The following RNF169 variants were observed in gnomAD, a reference collection of about 807,000 sequenced individuals.
The protein encoded by RNF169 is E3 ubiquitin-protein ligase RNF169.
RNF169 carries 24 observed loss-of-function variants against 53.9 expected under a neutral mutation model. The observed-to-expected ratio is 0.45, with a 90% CI of 0.32 to 0.63. The LOEUF is 0.63. Among genes scored for constraint, RNF169 ranks in the 20% least tolerant of loss-of-function variants. The pLI, the probability that RNF169 is intolerant of heterozygous loss-of-function variation, is 0.04. For synonymous variants in RNF169, 396 were observed against 363.5 expected (o/e 1.09, Z -1.02); for missense variants, 883 against 906.2 (o/e 0.97, Z 0.33).
intron 2 of RNF169, among the ~76,000 whole-genome samples, chr11:74,791,809 A>G (rs956981870): frequency 1.6e-4 from 25 of 152,298 alleles, no homozygotes; most frequent in African/African-American, 4.8e-4. Flanking sequence ...TACACCCAGC[A>G]TGGGAGGGAT....
At chr11:74,757,002 T>A (rs2034994156) in intron 1 of RNF169, among the ~76,000 whole-genome samples, 1 of 151,680 alleles carries the variant, frequency 6.6e-6, no homozygotes, top group African/African-American at 2.4e-5. Context: ...TTTTATTTAT[T>A]TATTTTTATT....
intron 4 of RNF169, among the ~76,000 whole-genome samples, chr11:74,827,908 C>T (rs2036122647): frequency 6.6e-6 from 1 of 152,164 alleles, no homozygotes; most frequent in Non-Finnish European, 1.5e-5. Flanking sequence ...AAGCATTCCC[C>T]TTGAAAATAG....
intron 1 of RNF169, among the ~76,000 whole-genome samples, chr11:74,776,511 C>CAAAAAA (rs766527055): frequency 1.7e-4 from 14 of 82,010 alleles, no homozygotes; most frequent in African/African-American, 6.5e-4. Context: ...TTCATTCAGC[C>CAAAAAA]AAAAAAAAAA....
intron 2 of RNF169, among the ~76,000 whole-genome samples, chr11:74,808,898 T>A (rs1213155608): frequency 6.6e-6 from 1 of 152,212 alleles, no homozygotes; most frequent in Non-Finnish European, 1.5e-5. Context: ...GTGTTCCTGT[T>A]TGGATTGGGC....
In RNF169 at chr11:74,788,329, A is replaced by G. The variant is rs78609379; in HGVS notation, c.503-1297A>G. On this transcript the variant is annotated intron_variant, in intron 1 of 5. Transcript: ENST00000299563. ...CACACACACACACACACACACGACCACATTAATTTTATTGTTCAATTTTTC... is the reference window on the plus strand; with the variant it reads ...CACACACACACACACACACACGACCGCATTAATTTTATTGTTCAATTTTTC... Among the ~76,000 whole-genome samples the G allele has an allele frequency of 6.6e-5, 10 of 151,394 alleles. No homozygotes were observed. The East Asian group carries it at 1.9e-3, about 29-fold the overall frequency.
intron 2 of RNF169, among the ~76,000 whole-genome samples, chr11:74,805,435 A>G (rs1454417931): frequency 6.6e-6 from 1 of 152,244 alleles, no homozygotes; most frequent in Non-Finnish European, 1.5e-5. Flanking sequence ...TATCTTGATT[A>G]GGGAAATGAT....
rs1239709742 is a variant in RNF169 at position 74,838,598 on chromosome 11, T to TAA, written c.*1868_*1869insAA. On this transcript the variant is annotated 3_prime_UTR_variant, in exon 6 of 6. Transcript: ENST00000299563. ...TGGTGGGGAACATCACTCACCTGAA[T>TAA]GTATGCATTCTGTGTTCTCTGTGTG... 1.3e-5 allele frequency: 2 copies of TAA among 152,274 alleles called. No individual in the cohort carries two copies. The highest frequency in any genetic ancestry group is 2.9e-5 in the Non-Finnish European group (2 of 68,054). The allele number at this position is 152,274 out of a possible 1,614,324, so 9.4% of individuals were successfully genotyped here. A position where few individuals can be genotyped will look rare whatever the true frequency, so the allele number is the denominator to read the frequency against.
At chr11:74,807,639 A>G (rs1227832741) in intron 2 of RNF169, 1 of 152,204 alleles carries the variant, frequency 6.6e-6, no homozygotes, top group Non-Finnish European at 1.5e-5. Flanking sequence ...GTCTCTATAA[A>G]ATAGTCATGA....
At chr11:74,782,909 T>G (rs962995733) in intron 1 of RNF169, among the ~76,000 whole-genome samples, 1 of 137,912 alleles carries the variant, frequency 7.3e-6, no homozygotes, top group Admixed American at 7.0e-5. Flanking sequence ...GCAAAGAGGT[T>G]TTTTTTTTTT....
intron 1 of RNF169, among the ~76,000 whole-genome samples, chr11:74,758,887 A>G (rs1332636328): frequency 6.7e-6 from 1 of 148,546 alleles, no homozygotes; most frequent in Non-Finnish European, 1.5e-5. Context: ...TGAATCTGTA[A>G]ATTACCTTGG....
At chr11:74,814,155 T>C (rs1360310431) in intron 3 of RNF169, among the ~76,000 whole-genome samples, 3 of 151,758 alleles carry the variant, frequency 2.0e-5, no homozygotes, top group African/African-American at 4.8e-5. Flanking sequence ...ACCCCTTCTC[T>C]AATAAAAAAT....
intron 2 of RNF169, among the ~76,000 whole-genome samples, chr11:74,791,267 C>T (rs951949423): frequency 6.6e-6 from 1 of 152,120 alleles, no homozygotes; most frequent in Non-Finnish European, 1.5e-5. Flanking sequence ...GGAGGAAGTG[C>T]ATACTGATTG....
intron 1 of RNF169, among the ~76,000 whole-genome samples, chr11:74,784,237 C>T (rs2135070678): frequency 6.6e-6 from 1 of 152,246 alleles, no homozygotes; most frequent in South Asian, 2.1e-4. Context: ...TACTGAATCA[C>T]TAACTTTAGA....
chr11:74,826,068 G>C (rs2036091692), intron 4 of RNF169, among the ~76,000 whole-genome samples: 1 of 152,152 alleles, frequency 6.6e-6, no homozygotes, highest in Non-Finnish European at 1.5e-5. Context: ...GCTCACATCT[G>C]TAATCCCAGC....
intron 1 of RNF169, among the ~76,000 whole-genome samples, chr11:74,784,231 G>GA (rs2035456313): frequency 6.6e-6 from 1 of 152,148 alleles, no homozygotes; most frequent in Admixed American, 6.5e-5. Context: ...TATTGTTACT[G>GA]AATCACTAAC....
intron 4 of RNF169, among the ~76,000 whole-genome samples, chr11:74,821,815 A>G (rs1260661116): frequency 6.6e-6 from 1 of 152,188 alleles, no homozygotes; most frequent in East Asian, 1.9e-4. Flanking sequence ...GGTGACAGAA[A>G]TGTTCTAAAA....
intron 1 of RNF169, among the ~76,000 whole-genome samples, chr11:74,784,753 C>T (rs948198728): frequency 1.3e-5 from 2 of 152,288 alleles, no homozygotes; most frequent in African/African-American, 4.8e-5. Flanking sequence ...AACAACTCAT[C>T]AGTTAAGGAG....
rs557740217 is a variant in RNF169, at chr11:74,838,337, T to C, written c.*1607T>C. The C allele has an allele frequency of 2.0e-5, 3 of 152,288 alleles. No homozygotes were observed. In the South Asian group the frequency reaches 6.2e-4, roughly 32 times the overall value. 9.4% of individuals were successfully genotyped at this position (152,288 alleles called of 1,614,324 possible). On this transcript the variant is annotated 3_prime_UTR_variant, in exon 6 of 6. Coordinates refer to ENST00000299563, the MANE Select transcript of RNF169 (RefSeq NM_001098638.2). ...GCAAATCTTCAGTGTTTTGTGGTTA[T>C]TTGTGGTTGAGAGAGAGAGAGAATG...
chr11:74,770,166 A>G (rs917386742), intron 1 of RNF169, among the ~76,000 whole-genome samples: 2 of 152,246 alleles, frequency 1.3e-5, no homozygotes, highest in Admixed American at 1.3e-4. Context: ...TACAATTGTA[A>G]GAACCAAGAG....
Sources: allele counts gnomAD v4.1 joint callset (sites outside exome capture counted in the v4.1 genomes callset), GRCh38; gene constraint gnomAD v4.1.1; transcripts MANE v1.5; gene names NCBI Gene and HGNC (gene_info 2026-07-23, HGNC 2026-07-21).